Variants in ANKS1B observed in about 807,000 individuals in gnomAD.
ANKS1B encodes the protein ankyrin repeat and sterile alpha motif domain-containing protein 1B.
In ANKS1B, 36 loss-of-function variants were observed where a neutral mutation model predicts 148.3. That is an observed-to-expected ratio of 0.24 (90% confidence interval 0.19 to 0.32). ANKS1B has a LOEUF of 0.32. Ranked by LOEUF, ANKS1B falls within the 10% of genes least tolerant of loss-of-function variation. The pLI is 1.00. For missense variants in ANKS1B, 1,157 were observed against 1,542.6 expected, an observed-to-expected ratio of 0.75 and a Z score of 4.19; for synonymous variants, 542 against 560.8, an observed-to-expected ratio of 0.97 and a Z score of 0.47.
At chr12:99,195,468 A>G (rs1282854653) in intron 14 of ANKS1B, among the ~76,000 whole-genome samples, 1 of 152,148 alleles carries the variant, frequency 6.6e-6, no homozygotes, top group African/African-American at 2.4e-5. Context: ...ACAATCTGTT[A>G]TATTGCAATG....
At chr12:99,717,507 G>A (rs983140422) in intron 8 of ANKS1B, among the ~76,000 whole-genome samples, 28 of 152,206 alleles carry the variant, frequency 1.8e-4, no homozygotes, top group African/African-American at 5.8e-4. Flanking sequence ...CCCACAGCCC[G>A]GGATTCCTCC....
At position 99,877,472 on chromosome 12, in the gene ANKS1B, C is replaced by A. The variant is rs888226326; in HGVS notation, c.135-52083G>T. ...TGGTGTAAACCAAGAAATAGGAAGC[C>A]TCCAAATCTAGGAAACATAGGCTCT... On this transcript the variant is annotated intron_variant, in intron 1 of 26. Coordinates refer to ENST00000683438, the MANE Select transcript of ANKS1B (RefSeq NM_001352186.2). Among the ~76,000 whole-genome samples the A allele has an allele frequency of 2.0e-5, 3 of 152,278 alleles. No individual in the cohort carries two copies. The East Asian group carries it at 5.8e-4, about 29-fold the overall frequency.
At chr12:98,943,599 T>C (rs990074620) in intron 17 of ANKS1B, among the ~76,000 whole-genome samples, 2 of 152,132 alleles carry the variant, frequency 1.3e-5, no homozygotes, top group African/African-American at 4.8e-5. Flanking sequence ...TCAGGCTGAG[T>C]TCTTCCCATG....
rs186740467 is a variant in ANKS1B, at chr12:99,895,427, G to A, written c.135-70038C>T. On this transcript the variant is annotated intron_variant, in intron 1 of 26. Transcript: ENST00000683438. ...AAATCAATCCATCAACCCCCAACCC[G>A]TGTGTGTGTGTGTGTCCTTTCGATT... Among the ~76,000 whole-genome samples, 318 of 67,658 alleles carry A rather than the reference G, an allele frequency of 4.7e-3. 2 individuals are homozygous for A. Among genetic ancestry groups the A allele is most frequent in the African/African-American group, 0.013 (310 of 24,504 alleles). 44.4% of individuals were successfully genotyped at this position (67,658 alleles called of 152,430 possible).
At chr12:99,059,953 T>C (rs2041850722) in intron 16 of ANKS1B, among the ~76,000 whole-genome samples, 1 of 152,012 alleles carries the variant, frequency 6.6e-6, no homozygotes, top group Admixed American at 6.6e-5. Flanking sequence ...AAGACAGGGC[T>C]AGGAAGTGAC....
At chr12:99,401,687 C>A (rs1306720356) in intron 11 of ANKS1B, among the ~76,000 whole-genome samples, 4 of 146,408 alleles carry the variant, frequency 2.7e-5, no homozygotes, top group Admixed American at 2.7e-4. Flanking sequence ...AGACACTGTC[C>A]CTGTTTTCTG....
At chr12:99,317,018 C>T (rs962568420) in intron 12 of ANKS1B, among the ~76,000 whole-genome samples, 12 of 152,040 alleles carry the variant, frequency 7.9e-5, no homozygotes, top group African/African-American at 2.7e-4. Context: ...TGCTCTGTTC[C>T]ATTGGTCTGT....
intron 22 of ANKS1B, among the ~76,000 whole-genome samples, chr12:98,782,672 C>A (rs1187224389): frequency 6.6e-6 from 1 of 152,092 alleles, no homozygotes; most frequent in Non-Finnish European, 1.5e-5. Flanking sequence ...GGCACAACAT[C>A]TTTTTGAGAG....
chr12:98,930,693 C>G (rs558141301), intron 17 of ANKS1B, among the ~76,000 whole-genome samples: 4 of 150,420 alleles, frequency 2.7e-5, no homozygotes, highest in Admixed American at 1.3e-4. Context: ...ACATATTGTA[C>G]GATTCTGTTT....
At chr12:98,898,146 C>A (rs1056642566) in intron 17 of ANKS1B, among the ~76,000 whole-genome samples, 2 of 152,084 alleles carry the variant, frequency 1.3e-5, no homozygotes, top group African/African-American at 4.8e-5. Flanking sequence ...AGAAACCCAA[C>A]CTCACCGTTA....
At chr12:99,137,247 T>C (rs2068429218) in intron 15 of ANKS1B, among the ~76,000 whole-genome samples, 1 of 152,184 alleles carries the variant, frequency 6.6e-6, no homozygotes, top group African/African-American at 2.4e-5. Flanking sequence ...AAACGCTTTC[T>C]AACAGGATCT....
intron 9 of ANKS1B, chr12:99,648,033 C>T: frequency 8.6e-7 from 1 of 1,168,020 alleles, no homozygotes; most frequent in Non-Finnish European, 1.2e-6. Context: ...TGTTCTCAGT[C>T]ACTTGGGGAC....
chr12:99,164,448 T>C (rs990895281), intron 14 of ANKS1B, among the ~76,000 whole-genome samples: 1 of 152,084 alleles, frequency 6.6e-6, no homozygotes, highest in African/African-American at 2.4e-5. Context: ...TCATTTTTGG[T>C]ACTCTGGTAA....
chr12:98,761,727 A>C (rs776272142), intron 25 of ANKS1B, among the ~76,000 whole-genome samples: 21 of 152,230 alleles, frequency 1.4e-4, no homozygotes, highest in Non-Finnish European at 2.5e-4. Context: ...TCCAGGACTT[A>C]CTTTGTTGAA....
chr12:98,744,887 C>T lies in ANKS1B; in HGVS notation c.*852G>A. On this transcript the variant is annotated 3_prime_UTR_variant, in exon 27 of 27. Transcript: ENST00000683438. ...GGCTGCGTCAGCACTTCCGGGCCTC[C>T]TGCTCTAGGGAGCATCACCAGTATT... The T allele has an allele frequency of 3.0e-6, 3 of 985,676 alleles. No individual in the cohort carries two copies. The highest frequency in any genetic ancestry group is 2.4e-6 in the Non-Finnish European group (2 of 829,890). 61.1% of individuals were successfully genotyped at this position (985,676 alleles called of 1,614,324 possible). A position where few individuals can be genotyped will look rare whatever the true frequency, so the allele number is the denominator to read the frequency against.
intron 1 of ANKS1B, among the ~76,000 whole-genome samples, chr12:99,950,451 G>A (rs149385826): frequency 2.5e-4 from 38 of 151,498 alleles, no homozygotes; most frequent in African/African-American, 8.5e-4. Flanking sequence ...TCCTTTCCCC[G>A]TATGAATATA....
chr12:99,126,502 TC>T (rs530132586), intron 15 of ANKS1B, among the ~76,000 whole-genome samples: 73 of 151,958 alleles, frequency 4.8e-4, no homozygotes, highest in Middle Eastern at 6.8e-3. Flanking sequence ...AGTCTCCCCC[TC>T]CCCCCACCTT....
intron 15 of ANKS1B, among the ~76,000 whole-genome samples, chr12:99,150,382 A>AT (rs989542369): frequency 1.3e-5 from 2 of 152,244 alleles, no homozygotes; most frequent in East Asian, 1.9e-4. Flanking sequence ...TGCCAAATGT[A>AT]TTTTTTTCAT....
At chr12:99,658,728 T>G (rs190227264) in intron 8 of ANKS1B, among the ~76,000 whole-genome samples, 9 of 152,170 alleles carry the variant, frequency 5.9e-5, no homozygotes, top group Non-Finnish European at 1.3e-4. Flanking sequence ...CAGGGCTGTA[T>G]GAAGATCAAA....
Sources: gnomAD v4.1 joint callset for allele counts (sites outside exome capture counted in the v4.1 genomes callset) on GRCh38, gnomAD v4.1.1 for gene constraint, MANE v1.5 for transcripts, NCBI Gene and HGNC (gene_info 2026-07-23, HGNC 2026-07-21) for gene names.